The following SLC25A23 variants were observed in gnomAD, a reference collection of about 807,000 sequenced individuals.
The protein encoded by SLC25A23 is solute carrier family 25 member 23, also known as mitochondrial adenyl nucleotide antiporter SLC25A23.
SLC25A23 carries 32 observed loss-of-function variants against 53.9 expected under a neutral mutation model. The ratio of observed to expected loss-of-function variants is 0.59; its 90% CI spans 0.45 to 0.80. The LOEUF (loss-of-function observed/expected upper bound fraction) is 0.80. Ranked by LOEUF, SLC25A23 falls within the 30% of genes least tolerant of loss-of-function variation. The pLI, the probability that SLC25A23 is intolerant of heterozygous loss-of-function variation, is 0.00. For missense variants in SLC25A23, 575 were observed against 651.4 expected (o/e 0.88, Z 1.28); for synonymous variants, 275 against 264.5 (o/e 1.04, Z -0.38).
Position 6,454,047 on chromosome 19 carries a change from C to T in SLC25A23, c.837G>A (p.Val279=). The change falls in exon 7 of 10, where the codon GTG becomes GTA. Residue 279 remains valine (V), a synonymous_variant. Coordinates refer to ENST00000301454, the MANE Select transcript of SLC25A23 (RefSeq NM_024103.3). This position sits in a 1 kb window ranked among gnomAD's most constrained non-coding sequence, Gnocchi z 4.3. ...GGGAGCCAGCCACGAAGCGCTCCTGCACATGCAGTGTCTCCTGCTGCCCCA... is the reference window on the plus strand; with the variant it reads ...GGGAGCCAGCCACGAAGCGCTCCTGTACATGCAGTGTCTCCTGCTGCCCCA... The part of the protein sequence containing the change: ...AILGQQETLH[V]QERFVAGSLA... The T allele has an allele frequency of 6.2e-7, 1 of 1,613,618 alleles. No homozygotes were observed.
chr19:6,449,251 CTTTCT>C (rs1418566317), intron 8 of SLC25A23, among the ~76,000 whole-genome samples: 23 of 145,682 alleles, frequency 1.6e-4, no homozygotes, highest in African/African-American at 4.8e-4. Context: ...GTCTTTCTTT[CTTTCT>C]TTTTTTTTTT....
At chr19:6,439,428 CACACACAG>C (rs1025405637), downstream of SLC25A23, among the ~76,000 whole-genome samples, 9 of 151,140 alleles carry the variant, frequency 6.0e-5, no homozygotes, top group Non-Finnish European at 1.0e-4. Flanking sequence ...CACACACACA[CACACACAG>C]ACACACAAAT....
downstream of SLC25A23, chr19:6,436,346 T>C (rs1245109502): frequency 2.2e-6 from 1 of 450,626 alleles, no homozygotes; most frequent in Non-Finnish European, 4.5e-6. Context: ...ACTGATAGAA[T>C]TGCAGTGAGA....
chr19:6,444,249 C>T lies in SLC25A23; in HGVS notation c.1124G>A (p.Gly375Asp). 1 of 1,606,576 alleles carries T rather than the reference C, an allele frequency of 6.2e-7. No homozygotes were observed. Among genetic ancestry groups the T allele is most frequent in the Non-Finnish European group, 8.5e-7 (1 of 1,177,400 alleles). ...ACCGCAGGCCAGGAGCACGAGGATG[C>T]CTGGGTCTGCCGAGTCGTGGCTGTA... is the stretch of plus-strand genomic sequence containing the variant. ...QQYSHDSADP[G>D]ILVLLACGTI... Residue 375 changes from glycine (G) to aspartate (D), a missense_variant, in exon 9 of 10, where the codon GGC becomes GAC. Transcript: ENST00000301454.
Position 6,444,179 on chromosome 19 carries a change from G to T in SLC25A23, c.1194C>A (p.Ala398=), listed in dbSNP as rs754969882. 1 of 1,596,172 alleles carries T rather than the reference G, an allele frequency of 6.3e-7. No homozygotes were observed. Among genetic ancestry groups the T allele is most frequent in the African/African-American group, 1.3e-5 (1 of 74,864 alleles). Reference sequence around the variant, plus strand: ...GTGCCTGCATGCGGGTCCGGACCAGGGCCAGCGGGTAACTGGCTATCTGGC... The same window carrying T: ...GTGCCTGCATGCGGGTCCGGACCAGTGCCAGCGGGTAACTGGCTATCTGGC... ...TCGQIASYPL[A]LVRTRMQAQA... The change falls in exon 9 of 10, where the codon GCC becomes GCA. Residue 398 remains alanine, a synonymous_variant. Transcript: ENST00000301454.
At chr19:6,456,051 C>A (rs10418596) in intron 4 of SLC25A23, 1 of 1,323,026 alleles carries the variant, frequency 7.6e-7, no homozygotes, top group South Asian at 1.2e-5. Flanking sequence ...TCTGTTCAGC[C>A]GTAGAATCTT....
intron 8 of SLC25A23, among the ~76,000 whole-genome samples, chr19:6,444,509 T>A (rs1430837677): frequency 3.3e-5 from 5 of 152,176 alleles, no homozygotes; most frequent in Admixed American, 3.3e-4. Flanking sequence ...GGGTCCCCTG[T>A]ACTGACTATG....
At position 6,459,165 on chromosome 19, in the gene SLC25A23, T is replaced by A. The variant is rs1338664054; in HGVS notation, c.156+308A>T. On this transcript the variant is annotated intron_variant, in intron 1 of 9. Transcript: ENST00000301454. The surrounding 1 kb of genome is among the most constrained non-coding windows in gnomAD (Gnocchi z 4.6). ...AGGGCACGTCATGGGCTGTGCAGTC[T>A]GGAGGAGGGTGTGTCCCGGGCAGTG... is the stretch of plus-strand genomic sequence containing the variant. 6.6e-6 allele frequency among the ~76,000 whole-genome samples: 1 copy of A among 152,100 alleles called. No individual in the cohort carries two copies. Among genetic ancestry groups the A allele is most frequent in the Non-Finnish European group, 1.5e-5 (1 of 68,004 alleles).
chr19:6,438,906 T>C, downstream of SLC25A23: 1 of 168,950 alleles, frequency 5.9e-6, no homozygotes, highest in Non-Finnish European at 1.3e-5. Context: ...CCAGGCATGG[T>C]GGCATATGCC....
intron 8 of SLC25A23, among the ~76,000 whole-genome samples, chr19:6,446,675 C>G (rs2092509817): frequency 6.6e-6 from 1 of 152,202 alleles, no homozygotes; most frequent in African/African-American, 2.4e-5. Flanking sequence ...TCCCACAGAT[C>G]TCTAGAGGGC....
chr19:6,458,742 G>T (rs1371550194), intron 1 of SLC25A23, among the ~76,000 whole-genome samples: 1 of 152,158 alleles, frequency 6.6e-6, no homozygotes, highest in African/African-American at 2.4e-5. Context: ...GGGACCCAGG[G>T]GTTCCCTTTG....
Position 6,458,195 on chromosome 19 carries a change from T to C in SLC25A23, c.283+3A>G. The C allele has an allele frequency of 6.2e-7, 1 of 1,613,176 alleles. No individual in the cohort carries two copies. The highest frequency in any genetic ancestry group is 8.5e-7 in the Non-Finnish European group (1 of 1,179,892). On this transcript the variant is annotated splice_donor_region_variant and intron_variant, in intron 2 of 9. Coordinates refer to ENST00000301454, the MANE Select transcript of SLC25A23 (RefSeq NM_024103.3). ...GGCCTGCAGGCAGGTCGCCCGACCT[T>C]ACCATCCTGGTTCCGGTCAAGACTG...
chr19:6,459,380 G>T lies in SLC25A23; in HGVS notation c.156+93C>A. The T allele has an allele frequency of 1.8e-6, 2 of 1,098,590 alleles. No individual in the cohort carries two copies. The highest frequency in any genetic ancestry group is 2.5e-6 in the Non-Finnish European group (2 of 802,558). The allele number at this position is 1,098,590 out of a possible 1,614,324, so 68.1% of individuals were successfully genotyped here. On this transcript the variant is annotated intron_variant, in intron 1 of 9. Transcript: ENST00000301454. This position sits in a 1 kb window ranked among gnomAD's most constrained non-coding sequence, Gnocchi z 4.6. Reference sequence around the variant, plus strand: ...AGGTTCTGGAGTCCAGCCACAGGTAGTCCCTGGTGGCTCCGGCCGCCCAGT... The same window carrying T: ...AGGTTCTGGAGTCCAGCCACAGGTATTCCCTGGTGGCTCCGGCCGCCCAGT...
In SLC25A23 at chr19:6,444,283, G is replaced by A. The variant is rs756064286; in HGVS notation, c.1090C>T (p.Leu364Phe). ...AVYETLKNWWLQQYSHDSADP... is the reference protein window; with the variant it reads ...AVYETLKNWWFQQYSHDSADP... ...GCCGAGTCGTGGCTGTACTGCTGAA[G>A]CCACCAGTTCTTCAGAGTCTGGAGT... The change falls in exon 9 of 10, where the codon CTT becomes TTT. Residue 364 changes from leucine (L) to phenylalanine (F), a missense_variant. Physicochemically the swap from Leu to Phe is conservative, Grantham distance 22. Coordinates refer to ENST00000301454, the MANE Select transcript of SLC25A23 (RefSeq NM_024103.3). 56 of 1,533,174 alleles carry A rather than the reference G, an allele frequency of 3.7e-5. No individual in the cohort carries two copies. The highest frequency in any genetic ancestry group is 4.8e-5 in the Non-Finnish European group (55 of 1,134,502). 95.0% of individuals were successfully genotyped at this position (1,533,174 alleles called of 1,614,324 possible).
rs796888264 is a variant in SLC25A23 at position 6,453,050 on chromosome 19, GT to G, written c.904-572del. On this transcript the variant is annotated intron_variant, in intron 7 of 9. Transcript: ENST00000301454. ...AAAGCATCCTTAGAGGTGGGGAGGT[GT>G]TTCCTTTTTTATTGCTTCTTCCTTC... Among the ~76,000 whole-genome samples, 139 of 152,214 alleles carry G rather than the reference GT, an allele frequency of 9.1e-4. 1 individual carries two copies. Among genetic ancestry groups the G allele is most frequent in the Middle Eastern group, 3.4e-3 (1 of 294 alleles).
At chr19:6,446,700 C>T (rs1268715648) in intron 8 of SLC25A23, among the ~76,000 whole-genome samples, 3 of 152,156 alleles carry the variant, frequency 2.0e-5, no homozygotes, top group Non-Finnish European at 4.4e-5. Flanking sequence ...ACTCCATTTG[C>T]TAGGAATAGT....
chr19:6,457,561 T>G lies in SLC25A23; in HGVS notation c.313A>C (p.Ser105Arg), dbSNP rs1174046106. 4 of 1,613,836 alleles carry G rather than the reference T, an allele frequency of 2.5e-6. No individual in the cohort carries two copies. The highest frequency in any genetic ancestry group is 1.3e-5 in the African/African-American group (1 of 74,894). ...ATGGAAATGCCCAGAGCTCGGAAACTCTGTTGGATCTCAGAGACATCAATG... is the reference window on the plus strand; with the variant it reads ...ATGGAAATGCCCAGAGCTCGGAAACGCTGTTGGATCTCAGAGACATCAATG... ...GHIDVSEIQQ[S>R]FRALGISISL... The change falls in exon 3 of 10, where the codon AGT becomes CGT. Residue 105 changes from serine to arginine, a missense_variant. Ser to Arg is a moderately radical substitution (Grantham distance 110). Transcript: ENST00000301454.
intron 4 of SLC25A23, among the ~76,000 whole-genome samples, chr19:6,455,159 C>T (rs1296948844): frequency 1.3e-5 from 2 of 152,138 alleles, no homozygotes; most frequent in Non-Finnish European, 2.9e-5. Context: ...GTAGTCCCAG[C>T]TACTCAGGAG....
intron 2 of SLC25A23, 118 bp downstream of exon 2, chr19:6,458,080 C>G (rs556839619): frequency 1.5e-6 from 2 of 1,323,088 alleles, no homozygotes; most frequent in Non-Finnish European, 2.0e-6. Flanking sequence ...TATGAGTCAT[C>G]GGGGAGAAGC....
Sources: allele counts gnomAD v4.1 joint callset (sites outside exome capture counted in the v4.1 genomes callset), GRCh38; gene constraint gnomAD v4.1.1; non-coding constraint Gnocchi (gnomAD v3.1); transcripts MANE v1.5; gene names NCBI Gene and HGNC (gene_info 2026-07-23, HGNC 2026-07-21).